SYT14: variants seen among roughly 807,000 people sequenced by gnomAD.
SYT14 encodes synaptotagmin 14.
A neutral mutation model predicts 74.2 loss-of-function variants in SYT14; 32 were observed. The ratio of observed to expected loss-of-function variants is 0.43; its 90% CI spans 0.33 to 0.58. The LOEUF (loss-of-function observed/expected upper bound fraction) is 0.58, where lower values mean the gene tolerates loss of function less well. SYT14 is among the 20% of genes least tolerant of loss of function. The pLI is 0.05. For synonymous variants in SYT14, 298 were observed against 337.7 expected, an observed-to-expected ratio of 0.88 and a Z score of 1.29; for missense variants, 791 against 981.8, an observed-to-expected ratio of 0.81 and a Z score of 2.60.
chr1:209,978,167 G>A (rs564607476), intron 2 of SYT14, among the ~76,000 whole-genome samples: 5 of 152,134 alleles, frequency 3.3e-5, no homozygotes, highest in Admixed American at 1.3e-4. Flanking sequence ...CCTTTAGCTC[G>A]GAGTAGTTTG....
intron 7 of SYT14, among the ~76,000 whole-genome samples, chr1:210,134,413 A>G (rs2082739279): frequency 6.6e-6 from 1 of 152,018 alleles, no homozygotes; most frequent in Non-Finnish European, 1.5e-5. Flanking sequence ...TGTTTTGATT[A>G]TCTTGCTCTT....
At chr1:210,012,865 G>T (rs2080111854) in intron 2 of SYT14, among the ~76,000 whole-genome samples, 1 of 151,614 alleles carries the variant, frequency 6.6e-6, no homozygotes, top group African/African-American at 2.4e-5. Flanking sequence ...CTACACCTGG[G>T]TAATTTTTGT....
intron 5 of SYT14, among the ~76,000 whole-genome samples, chr1:210,070,560 G>C (rs1275262265): frequency 2.6e-5 from 4 of 152,006 alleles, no homozygotes; most frequent in Non-Finnish European, 5.9e-5. Context: ...CCCTTTCCCT[G>C]TTATAAAAGC....
chr1:210,162,975 G>A lies in SYT14; in HGVS notation c.*1933G>A, dbSNP rs1171685464. 3 of 452,480 alleles carry A rather than the reference G, an allele frequency of 6.6e-6. No individual in the cohort carries two copies. The East Asian group carries it at 2.1e-4, about 31-fold the overall frequency. The allele number at this position is 452,480 out of a possible 1,614,324, so 28.0% of individuals were successfully genotyped here. ...TAAGAGTTAGAACCTGAATCAAATG[G>A]CAAAATATCTCATTTAAGTGTTTTC... is the stretch of plus-strand genomic sequence containing the variant. On this transcript the variant is annotated 3_prime_UTR_variant, in exon 10 of 10. Transcript: ENST00000637265.
intron 2 of SYT14, among the ~76,000 whole-genome samples, chr1:209,958,252 A>G (rs1414318949): frequency 6.6e-6 from 1 of 152,120 alleles, no homozygotes; most frequent in Non-Finnish European, 1.5e-5. Flanking sequence ...CCATTAATCA[A>G]TGTACCTATT....
At chr1:210,147,949 G>T (rs1292713266) in intron 7 of SYT14, among the ~76,000 whole-genome samples, 1 of 152,102 alleles carries the variant, frequency 6.6e-6, no homozygotes, top group Non-Finnish European at 1.5e-5. Flanking sequence ...CGTGTGTTGT[G>T]TTCAGGGAGT....
At position 210,160,733 on chromosome 1, in the gene SYT14, ATATGT is replaced by A; in HGVS notation, c.2289_2293del (p.Tyr763Ter). ...CGTTGTCTTTTTCTTCTTTAGATACATATGTTAAGTTAACTCTACTGAATTCCATG... is the reference window on the plus strand; with the variant it reads ...CGTTGTCTTTTTCTTCTTTAGATACATAAGTTAACTCTACTGAATTCCATG... On this transcript the variant is annotated frameshift_variant, in exon 10 of 10. Transcript: ENST00000637265. LOFTEE classifies it high-confidence loss of function. 1 of 1,613,516 alleles carries A rather than the reference ATATGT, an allele frequency of 6.2e-7. No homozygotes were observed. Among genetic ancestry groups the A allele is most frequent in the Non-Finnish European group, 8.5e-7 (1 of 1,179,594 alleles).
chr1:210,090,722 T>A (rs1462087563), intron 5 of SYT14, among the ~76,000 whole-genome samples: 1 of 152,230 alleles, frequency 6.6e-6, no homozygotes, highest in East Asian at 1.9e-4. Flanking sequence ...AGGTTGATGT[T>A]TACAGTGTAA....
chr1:210,005,818 T>C (rs1390627843), intron 2 of SYT14, among the ~76,000 whole-genome samples: 1 of 151,974 alleles, frequency 6.6e-6, no homozygotes, highest in Non-Finnish European at 1.5e-5. Flanking sequence ...AAGTAAGAAG[T>C]ATATGGTTTA....
exon 10 of SYT14, chr1:210,170,847 A>G (rs561151435): frequency 6.6e-6 from 1 of 152,302 alleles, no homozygotes; most frequent in East Asian, 1.9e-4. Flanking sequence ...GGGTCATATT[A>G]TTTTCTTTAA....
At chr1:210,077,880 G>T (rs1379994747) in intron 5 of SYT14, among the ~76,000 whole-genome samples, 6 of 152,108 alleles carry the variant, frequency 3.9e-5, no homozygotes, top group Non-Finnish European at 7.4e-5. Flanking sequence ...ATGCAGAATG[G>T]TGCCACAAAG....
chr1:210,072,130 A>AAGAT (rs2081406770), intron 5 of SYT14, among the ~76,000 whole-genome samples: 1 of 94,562 alleles, frequency 1.1e-5, no homozygotes, highest in Non-Finnish European at 1.9e-5. Flanking sequence ...TGGTTAATTA[A>AAGAT]AGATATATAT....
chr1:210,103,411 G>A (rs551216028), intron 7 of SYT14, among the ~76,000 whole-genome samples: 8 of 151,926 alleles, frequency 5.3e-5, no homozygotes, highest in South Asian at 4.2e-4. Flanking sequence ...TTAGCCGGGC[G>A]TGGTGGCAGG....
rs1171606857 is a variant in SYT14, at chr1:209,944,860, A to T, written c.-534+6583A>T. ...ATATTTACATGGGAGAATGCTTGAA[A>T]TTCAATGATAACTGTAGAAGAGAAG... On this transcript the variant is annotated intron_variant, in intron 1 of 9. Coordinates refer to ENST00000637265, the Ensembl canonical transcript of SYT14. 4.6e-5 allele frequency among the ~76,000 whole-genome samples: 7 copies of T among 152,170 alleles called. No homozygotes were observed. The East Asian group carries it at 1.2e-3, about 25-fold the overall frequency.
At chr1:210,082,968 TG>T (rs1370670740) in intron 5 of SYT14, among the ~76,000 whole-genome samples, 1 of 151,994 alleles carries the variant, frequency 6.6e-6, no homozygotes, top group African/African-American at 2.4e-5. Context: ...GTTTGAGTAA[TG>T]GGTTATTTCT....
At chr1:209,960,953 A>C (rs1185619890) in intron 2 of SYT14, among the ~76,000 whole-genome samples, 1 of 152,204 alleles carries the variant, frequency 6.6e-6, no homozygotes, top group African/African-American at 2.4e-5. Context: ...GAGAGGCTGA[A>C]CTTGGTGCTG....
chr1:210,103,549 C>CA (rs11430691), intron 7 of SYT14, among the ~76,000 whole-genome samples: 59,582 of 87,880 alleles, frequency 0.68, 19,991 homozygotes, highest in East Asian at 0.91. Context: ...GACTCTGTCT[C>CA]AAAAAAAAAA....
intron 5 of SYT14, among the ~76,000 whole-genome samples, chr1:210,043,296 C>T (rs774987425): frequency 2.0e-5 from 3 of 152,026 alleles, no homozygotes; most frequent in Non-Finnish European, 2.9e-5. Context: ...AGTAGGTAAC[C>T]ATGGAAACAG....
At chr1:210,121,391 A>G (rs1043234265) in intron 7 of SYT14, among the ~76,000 whole-genome samples, 25 of 152,248 alleles carry the variant, frequency 1.6e-4, no homozygotes, top group African/African-American at 6.0e-4. Context: ...CTGGAAAAGA[A>G]GAAGGTAAAA....
Sources: allele counts gnomAD v4.1 joint callset (sites outside exome capture counted in the v4.1 genomes callset), GRCh38; gene constraint gnomAD v4.1.1; transcripts MANE v1.5; gene names NCBI Gene and HGNC (gene_info 2026-07-23, HGNC 2026-07-21).